ARHGEF7: variants seen among roughly 807,000 people sequenced by gnomAD.
The protein encoded by ARHGEF7 is PAK-interacting exchange factor beta.
In ARHGEF7, 33 loss-of-function variants were observed where a neutral mutation model predicts 109.8. That is an observed-to-expected ratio of 0.30 (90% CI 0.23 to 0.40). The LOEUF (loss-of-function observed/expected upper bound fraction) is 0.40. Among genes scored for constraint, ARHGEF7 ranks in the 10% least tolerant of loss-of-function variants. The probability of loss-of-function intolerance (pLI) is 1.00; values close to 1 mark genes in which losing one functional copy is unlikely to be tolerated. For synonymous variants in ARHGEF7, 458 were observed against 424.6 expected (o/e 1.08, Z -0.97); for missense variants, 938 against 1,098.5 (o/e 0.85, Z 2.07).
intron 6 of ARHGEF7, among the ~76,000 whole-genome samples, chr13:111,240,375 T>G (rs1396260486): frequency 1.3e-5 from 2 of 152,176 alleles, no homozygotes; most frequent in African/African-American, 2.4e-5. Flanking sequence ...TCTCCAAACT[T>G]TTTTTGAGAA....
At chr13:111,124,553 C>T (rs966800277) in intron 1 of ARHGEF7, among the ~76,000 whole-genome samples, 2 of 152,168 alleles carry the variant, frequency 1.3e-5, no homozygotes, top group East Asian at 1.9e-4. Flanking sequence ...GCAAGGATGG[C>T]AAGAGGGGTG....
At chr13:111,174,805 G>A (rs762335321) in intron 2 of ARHGEF7, among the ~76,000 whole-genome samples, 9 of 152,172 alleles carry the variant, frequency 5.9e-5, no homozygotes, top group Non-Finnish European at 1.0e-4. Flanking sequence ...AACACCGGGA[G>A]GTCCTTGCAG....
chr13:111,213,179 A>G lies in ARHGEF7; in HGVS notation c.468+3177A>G, dbSNP rs1419278425. Among the ~76,000 whole-genome samples the G allele has an allele frequency of 2.0e-5, 3 of 152,170 alleles. No individual in the cohort carries two copies. In the East Asian group the frequency reaches 5.8e-4, roughly 29 times the overall value. On this transcript the variant is annotated intron_variant, in intron 4 of 21. Coordinates refer to ENST00000646102, the MANE Select transcript of ARHGEF7 (RefSeq NM_001354046.2). ...AAAGTAATCAGGTGATTAATATCCA[A>G]GATACTGATGGGTGGTGCTTTGGCT... is the stretch of plus-strand genomic sequence containing the variant.
At chr13:111,227,881 A>C (rs968034772) in intron 5 of ARHGEF7, among the ~76,000 whole-genome samples, 2 of 152,190 alleles carry the variant, frequency 1.3e-5, no homozygotes, top group Non-Finnish European at 2.9e-5. Flanking sequence ...ATCCTCCCAC[A>C]TTCTGCCTTT....
chr13:111,221,904 C>T (rs532638104), intron 5 of ARHGEF7, among the ~76,000 whole-genome samples: 15 of 152,012 alleles, frequency 9.9e-5, no homozygotes, highest in African/African-American at 2.9e-4. Flanking sequence ...AGAGCCAGTC[C>T]GAGTCTCAAA....
chr13:111,178,541 G>A (rs949133960), intron 2 of ARHGEF7, among the ~76,000 whole-genome samples: 5 of 152,198 alleles, frequency 3.3e-5, no homozygotes, highest in Admixed American at 2.0e-4. Context: ...GTATCCACTT[G>A]GGATTCTGAG....
intron 1 of ARHGEF7, among the ~76,000 whole-genome samples, chr13:111,148,398 G>A (rs1171597405): frequency 1.3e-5 from 2 of 152,238 alleles, no homozygotes; most frequent in Non-Finnish European, 2.9e-5. Context: ...AAACAAGTAT[G>A]TTTTAGGTAC....
At chr13:111,174,866 A>G (rs2077975263) in intron 2 of ARHGEF7, among the ~76,000 whole-genome samples, 1 of 152,192 alleles carries the variant, frequency 6.6e-6, no homozygotes, top group Admixed American at 6.5e-5. Context: ...GAGGACTAGA[A>G]GTTGCTGACA....
chr13:111,198,509 G>C (rs1305828485), intron 2 of ARHGEF7, among the ~76,000 whole-genome samples: 1 of 152,078 alleles, frequency 6.6e-6, no homozygotes, highest in African/African-American at 2.4e-5. Context: ...TGGGTTTGTG[G>C]TCTCGCTGAC....
chr13:111,168,138 T>C (rs2077278533), intron 2 of ARHGEF7, among the ~76,000 whole-genome samples: 1 of 152,196 alleles, frequency 6.6e-6, no homozygotes, highest in Non-Finnish European at 1.5e-5. Flanking sequence ...TTTTCCTCTC[T>C]CGTCCAGGTC....
At chr13:111,121,323 G>A (rs1176999325) in intron 1 of ARHGEF7, among the ~76,000 whole-genome samples, 3 of 152,204 alleles carry the variant, frequency 2.0e-5, no homozygotes, top group Non-Finnish European at 4.4e-5. Context: ...ATAACTCACT[G>A]TAGTTTCTGG....
At position 111,228,760 on chromosome 13, in the gene ARHGEF7, C is replaced by T. The variant is rs947816632; in HGVS notation, c.671-4445C>T. ...ACATTGACTCTGTGAACTCTGAGTGCGTGAGTAACAGCCAACAAACCACGC... is the reference window on the plus strand; with the variant it reads ...ACATTGACTCTGTGAACTCTGAGTGTGTGAGTAACAGCCAACAAACCACGC... On this transcript the variant is annotated intron_variant, in intron 5 of 21. Transcript: ENST00000646102. This position sits in a 1 kb window ranked among gnomAD's most constrained non-coding sequence, Gnocchi z 4.6. Among the ~76,000 whole-genome samples the T allele has an allele frequency of 3.3e-5, 5 of 151,910 alleles. No individual in the cohort carries two copies. Among genetic ancestry groups the T allele is most frequent in the African/African-American group, 7.3e-5 (3 of 41,344 alleles).
Position 111,233,221 on chromosome 13 carries a change from C to A in ARHGEF7, c.687C>A (p.Pro229=), listed in dbSNP as rs780343835. Residue 229 remains proline, a synonymous_variant, in exon 6 of 22, where the codon CCC becomes CCA. Transcript: ENST00000646102. ...EVKASEKPVS[P]KSGTLKSPPK... is the part of the protein sequence containing the mutation. ...TCATTTCAGAGAAGCCTGTGTCTCCCAAATCAGGAACACTGAAGAGCCCTC... is the reference window on the plus strand; with the variant it reads ...TCATTTCAGAGAAGCCTGTGTCTCCAAAATCAGGAACACTGAAGAGCCCTC... 2 of 1,613,740 alleles carry A rather than the reference C, an allele frequency of 1.2e-6. No homozygotes were observed. The highest frequency in any genetic ancestry group is 2.7e-5 in the African/African-American group (2 of 74,900).
chr13:111,200,083 C>T (rs1359001632), intron 2 of ARHGEF7, among the ~76,000 whole-genome samples: 1 of 152,178 alleles, frequency 6.6e-6, no homozygotes, highest in Non-Finnish European at 1.5e-5. Context: ...TCCTCTTCCT[C>T]AACACCTAGG....
intron 19 of ARHGEF7, among the ~76,000 whole-genome samples, chr13:111,295,557 A>G (rs932587617): frequency 2.0e-5 from 3 of 152,210 alleles, no homozygotes; most frequent in Non-Finnish European, 2.9e-5. Flanking sequence ...TTTTTGTTTT[A>G]TAAAGTGCTT....
rs2092099787 is a variant in ARHGEF7 at position 111,271,013 on chromosome 13, A to G, written c.1074-2801A>G. Among the ~76,000 whole-genome samples, 3 of 152,216 alleles carry G rather than the reference A, an allele frequency of 2.0e-5. No homozygotes were observed. The South Asian group carries it at 6.2e-4, about 31-fold the overall frequency. ...CAGAGGGGCCGGCCATGCCATCCAC[A>G]TAGCAGGGGTCCGCCTGGGGTGCAG... is the stretch of plus-strand genomic sequence containing the variant. On this transcript the variant is annotated intron_variant, in intron 9 of 21. Coordinates refer to ENST00000646102, the MANE Select transcript of ARHGEF7 (RefSeq NM_001354046.2).
chr13:111,162,664 G>GTTTCTA (rs1566671385), intron 2 of ARHGEF7, among the ~76,000 whole-genome samples: 11 of 152,218 alleles, frequency 7.2e-5, no homozygotes, highest in African/African-American at 2.7e-4. Context: ...ACCTGTTTCT[G>GTTTCTA]AAACACTCAT....
intron 4 of ARHGEF7, among the ~76,000 whole-genome samples, chr13:111,212,227 A>C (rs947535545): frequency 1.3e-5 from 2 of 151,830 alleles, no homozygotes; most frequent in Non-Finnish European, 2.9e-5. Context: ...GGAGGTTTTC[A>C]CTTGTCTGCG....
intron 8 of ARHGEF7, among the ~76,000 whole-genome samples, chr13:111,259,399 C>T (rs1207529293): frequency 6.6e-6 from 1 of 152,192 alleles, no homozygotes; most frequent in African/African-American, 2.4e-5. Context: ...ACACCCCTCT[C>T]TCTGTCTTTC....
Sources: gnomAD v4.1 joint callset for allele counts (sites outside exome capture counted in the v4.1 genomes callset) on GRCh38, gnomAD v4.1.1 for gene constraint, Gnocchi (gnomAD v3.1) non-coding constraint, MANE v1.5 for transcripts, NCBI Gene and HGNC (gene_info 2026-07-23, HGNC 2026-07-21) for gene names.